Variants in MMP26 observed in about 807,000 individuals in gnomAD.
MMP26 encodes matrix metalloproteinase-26.
MMP26 carries 33 observed loss-of-function variants against 31.0 expected under a neutral mutation model. That is an observed-to-expected ratio of 1.06 (90% CI 0.81 to 1.42). The LOEUF is 1.42. Among genes scored for constraint, MMP26 ranks in the 40% most tolerant of loss-of-function variants. The pLI is 0.00. For missense variants in MMP26, 347 were observed against 316.1 expected, an observed-to-expected ratio of 1.10 and a Z score of -0.74; for synonymous variants, 122 against 114.9, an observed-to-expected ratio of 1.06 and a Z score of -0.40.
intron 2 of MMP26, among the ~76,000 whole-genome samples, chr11:4,919,682 G>A (rs922141049): frequency 4.6e-5 from 7 of 152,116 alleles, no homozygotes; most frequent in Admixed American, 4.6e-4. Context: ...CCCAATTTAT[G>A]CACACTGGAG....
At position 4,924,126 on chromosome 11, in the gene MMP26, CTG is replaced by C. The variant is rs145179083; in HGVS notation, c.-144-63939_-144-63938del. The C allele has an allele frequency of 9.6e-3, 15,491 of 1,614,154 alleles. 99 individuals are homozygous for C. Among genetic ancestry groups the C allele is most frequent in the Non-Finnish European group, 0.012 (14,191 of 1,180,020 alleles). On this transcript the variant is annotated intron_variant, in intron 2 of 7. Coordinates refer to ENST00000380390, the MANE Select transcript of MMP26 (RefSeq NM_021801.5). ...AGTGTGGAAAGGCAAAGGCCTAAGT[CTG>C]TGACAGCTAGCATGCCCAAGAAATA...
chr11:4,939,773 G>A (rs36013257), intron 2 of MMP26, among the ~76,000 whole-genome samples: 7,062 of 152,028 alleles, frequency 0.046, 210 homozygotes, highest in Non-Finnish European at 0.066. Flanking sequence ...TGCTTCCTTG[G>A]ATATCTATAG....
Position 4,989,775 on chromosome 11 carries a change from T to C in MMP26, c.227T>C (p.Leu76Pro), listed in dbSNP as rs1846967276. 3.1e-6 allele frequency: 5 copies of C among 1,613,858 alleles called. No homozygotes were observed. In the African/African-American group the frequency reaches 5.3e-5, roughly 17 times the overall value. Reference sequence around the variant, plus strand: ...CTACTTGACATGCAGATGCATGCTCTGCTACACCAGCCCCACTGTGGGGTG... The same window carrying C: ...CTACTTGACATGCAGATGCATGCTCCGCTACACCAGCCCCACTGTGGGGTG... ...TDLLDMQMHALLHQPHCGVPD... is the reference protein window; with the variant it reads ...TDLLDMQMHAPLHQPHCGVPD... The change falls in exon 4 of 8, where the codon CTG (leucine) becomes CCG (proline). Residue 76 changes from leucine (L) to proline (P), a missense_variant. By Grantham distance (98) the Leu-to-Pro change is moderately conservative. Coordinates refer to ENST00000380390, the MANE Select transcript of MMP26 (RefSeq NM_021801.5).
intron 2 of MMP26, among the ~76,000 whole-genome samples, chr11:4,910,737 T>C (rs1018719523): frequency 6.6e-6 from 1 of 152,196 alleles, no homozygotes; most frequent in African/African-American, 2.4e-5. Flanking sequence ...ATCTTAGTTT[T>C]TCTGTGCCTC....
chr11:4,946,892 A>T, intron 2 of MMP26: 1 of 1,606,824 alleles, frequency 6.2e-7, no homozygotes, highest in Non-Finnish European at 8.5e-7. Context: ...CAAGTCTGAC[A>T]TAGCCAACAT....
At chr11:4,817,794 G>T (rs948790481) in intron 2 of MMP26, among the ~76,000 whole-genome samples, 1 of 152,152 alleles carries the variant, frequency 6.6e-6, no homozygotes, top group East Asian at 1.9e-4. Flanking sequence ...CAAGTCCCAA[G>T]GGTCTCTTGG....
intron 7 of MMP26, 36 bp from the exon 8 acceptor site, chr11:4,992,178 G>A: frequency 2.6e-6 from 4 of 1,540,122 alleles, no homozygotes; most frequent in Non-Finnish European, 3.5e-6. Context: ...AATTTCACCT[G>A]AAATTTACTG....
At chr11:4,891,077 G>A (rs1189873920) in intron 2 of MMP26, among the ~76,000 whole-genome samples, 2 of 151,432 alleles carry the variant, frequency 1.3e-5, no homozygotes, top group African/African-American at 2.4e-5. Flanking sequence ...TTTGAAGAAT[G>A]AAGAAAATTA....
At chr11:4,742,533 G>T (rs1313848674) in intron 1 of MMP26, among the ~76,000 whole-genome samples, 1 of 152,146 alleles carries the variant, frequency 6.6e-6, no homozygotes, top group Non-Finnish European at 1.5e-5. Context: ...GTATGTCTGG[G>T]AAGGTTTTTC....
intron 1 of MMP26, chr11:4,709,959 C>G (rs1475978402): frequency 2.2e-6 from 1 of 456,740 alleles, no homozygotes; most frequent in Non-Finnish European, 4.4e-6. Context: ...CGTCTGTAAC[C>G]CACTGAGATA....
At chr11:4,770,878 G>A (rs1308948724) in intron 2 of MMP26, among the ~76,000 whole-genome samples, 1 of 152,028 alleles carries the variant, frequency 6.6e-6, no homozygotes, top group Non-Finnish European at 1.5e-5. Context: ...TGTGAAGACC[G>A]GATGTTACAT....
intron 1 of MMP26, among the ~76,000 whole-genome samples, chr11:4,712,780 C>T (rs977432376): frequency 6.6e-6 from 1 of 151,418 alleles, no homozygotes; most frequent in Non-Finnish European, 1.5e-5. Flanking sequence ...TAAAGTAATA[C>T]TTTATATTTT....
chr11:4,929,627 T>A (rs988358587), intron 2 of MMP26, among the ~76,000 whole-genome samples: 2 of 152,138 alleles, frequency 1.3e-5, no homozygotes, highest in African/African-American at 4.8e-5. Context: ...TTATTGCAGT[T>A]TTTCTAGTCA....
intron 2 of MMP26, among the ~76,000 whole-genome samples, chr11:4,957,076 G>C (rs1170209164): frequency 6.6e-6 from 1 of 152,134 alleles, no homozygotes; most frequent in Non-Finnish European, 1.5e-5. Flanking sequence ...AGCAACTCAG[G>C]TCTGTTATTT....
At chr11:4,882,490 C>A (rs1850486749) in intron 2 of MMP26, 5 of 1,613,962 alleles carry the variant, frequency 3.1e-6, no homozygotes, top group Admixed American at 1.7e-5. Flanking sequence ...CTTGGATCAG[C>A]AGTTTTTGGG....
At chr11:4,881,760 A>C in intron 2 of MMP26, 1 of 807,242 alleles carries the variant, frequency 1.2e-6, no homozygotes, top group Admixed American at 2.6e-5. Flanking sequence ...TCCTGGGTCC[A>C]TTTCCTTTCT....
chr11:4,920,148 G>A (rs1851161702), intron 2 of MMP26, among the ~76,000 whole-genome samples: 2 of 152,162 alleles, frequency 1.3e-5, no homozygotes, highest in Admixed American at 1.3e-4. Context: ...TGGATATCTA[G>A]ATTTCTGTCT....
chr11:4,959,658 C>T (rs1044473140), intron 2 of MMP26, among the ~76,000 whole-genome samples: 1 of 152,136 alleles, frequency 6.6e-6, no homozygotes, highest in African/African-American at 2.4e-5. Flanking sequence ...TTCATATTAT[C>T]TCTTTAAGTG....
chr11:4,808,874 G>A (rs1718722884), intron 2 of MMP26, among the ~76,000 whole-genome samples: 1 of 149,040 alleles, frequency 6.7e-6, no homozygotes, highest in African/African-American at 2.5e-5. Context: ...ATTTTCCTCT[G>A]CTGACCTACG....
Sources: gnomAD v4.1 joint callset for allele counts (sites outside exome capture counted in the v4.1 genomes callset) on GRCh38, gnomAD v4.1.1 for gene constraint, MANE v1.5 for transcripts, NCBI Gene and HGNC (gene_info 2026-07-23, HGNC 2026-07-21) for gene names.